LRRTM4: variants seen among roughly 807,000 people sequenced by gnomAD.
The protein encoded by LRRTM4 is leucine rich repeat transmembrane neuronal 4.
Under a neutral mutation model 47.6 loss-of-function variants are expected in LRRTM4, and 25 were observed. That is an observed-to-expected ratio of 0.53 (90% CI 0.38 to 0.73). The LOEUF (loss-of-function observed/expected upper bound fraction) is 0.73. LRRTM4 is among the 30% of genes least tolerant of loss of function. LRRTM4 has a pLI of 0.00. For missense variants in LRRTM4, 638 were observed against 713.4 expected (o/e 0.89, Z 1.20); for synonymous variants, 311 against 269.5 (o/e 1.15, Z -1.51).
chr2:76,892,999 G>C (rs910505937), intron 3 of LRRTM4, among the ~76,000 whole-genome samples: 8 of 150,404 alleles, frequency 5.3e-5, no homozygotes, highest in Non-Finnish European at 1.2e-4. Context: ...AATTTGAGGA[G>C]TATTACTTAA....
chr2:77,278,345 A>G (rs1573185812), intron 3 of LRRTM4, among the ~76,000 whole-genome samples: 1 of 152,066 alleles, frequency 6.6e-6, no homozygotes, highest in Non-Finnish European at 1.5e-5. Context: ...ACCAATTGTT[A>G]AGTTAAAAAC....
At chr2:76,880,160 C>T (rs980413250) in intron 3 of LRRTM4, among the ~76,000 whole-genome samples, 1 of 152,082 alleles carries the variant, frequency 6.6e-6, no homozygotes, top group Non-Finnish European at 1.5e-5. Context: ...GAGGGTTGAC[C>T]CCAGTTTTGA....
In LRRTM4 at chr2:77,122,420, T is replaced by C. The variant is rs116668824; in HGVS notation, c.1552-373504A>G. Among the ~76,000 whole-genome samples the C allele has an allele frequency of 9.6e-3, 1,448 of 150,976 alleles. 20 individuals carry two copies. The highest frequency in any genetic ancestry group is 0.042 in the Middle Eastern group (12 of 284). The stretch of plus-strand genomic sequence containing the variant: ...GCAGAATTCACCAGATGTAAACATA[T>C]ATATGTGTGTGTATAGATATACATA... On this transcript the variant is annotated intron_variant, in intron 3 of 3. Coordinates refer to ENST00000409884, the MANE Select transcript of LRRTM4 (RefSeq NM_001134745.3).
intron 3 of LRRTM4, among the ~76,000 whole-genome samples, chr2:76,993,354 CTATG>C (rs1169395700): frequency 6.6e-6 from 1 of 151,850 alleles, no homozygotes; most frequent in African/African-American, 2.4e-5. Flanking sequence ...TACTTGCAAA[CTATG>C]TATCTGACAA....
intron 3 of LRRTM4, among the ~76,000 whole-genome samples, chr2:77,036,463 C>T (rs1401203467): frequency 6.6e-6 from 1 of 151,640 alleles, no homozygotes; most frequent in African/African-American, 2.4e-5. Context: ...GCTCAGATAT[C>T]TCATCCTTTA....
chr2:77,376,223 T>A (rs1336185761), intron 3 of LRRTM4, among the ~76,000 whole-genome samples: 1 of 151,788 alleles, frequency 6.6e-6, no homozygotes, highest in Non-Finnish European at 1.5e-5. Context: ...GTGTTTTATA[T>A]TAGAATAGTT....
intron 3 of LRRTM4, among the ~76,000 whole-genome samples, chr2:77,351,616 A>T (rs988371657): frequency 2.9e-4 from 32 of 110,576 alleles, no homozygotes; most frequent in East Asian, 1.3e-3. Flanking sequence ...TGACAAATTT[A>T]TATATATATA....
At chr2:77,396,600 A>G (rs1673713100) in intron 3 of LRRTM4, among the ~76,000 whole-genome samples, 1 of 151,970 alleles carries the variant, frequency 6.6e-6, no homozygotes, top group South Asian at 2.1e-4. Flanking sequence ...CCCTCATTAT[A>G]TCTTTCACTG....
At chr2:77,428,602 A>G (rs1036483300) in intron 3 of LRRTM4, among the ~76,000 whole-genome samples, 2 of 152,176 alleles carry the variant, frequency 1.3e-5, no homozygotes, top group Admixed American at 6.5e-5. Context: ...CACATTTTTT[A>G]GATATAGGCT....
intron 3 of LRRTM4, among the ~76,000 whole-genome samples, chr2:76,842,807 T>C (rs2103939431): frequency 6.6e-6 from 1 of 152,314 alleles, no homozygotes; most frequent in African/African-American, 2.4e-5. Context: ...ACATGTGCCA[T>C]AGTGTTTTGC....
At chr2:76,992,186 G>A (rs1171788594) in intron 3 of LRRTM4, among the ~76,000 whole-genome samples, 3 of 151,656 alleles carry the variant, frequency 2.0e-5, no homozygotes, top group African/African-American at 4.8e-5. Context: ...ATCATAATGG[G>A]TGGGCAAATG....
intron 3 of LRRTM4, among the ~76,000 whole-genome samples, chr2:77,106,684 T>C (rs1297477901): frequency 6.6e-6 from 1 of 152,136 alleles, no homozygotes; most frequent in Non-Finnish European, 1.5e-5. Context: ...TTAAAATGTT[T>C]TCTTATTTAG....
intron 3 of LRRTM4, among the ~76,000 whole-genome samples, chr2:77,072,293 G>A (rs1453399768): frequency 6.6e-6 from 1 of 151,534 alleles, no homozygotes; most frequent in East Asian, 1.9e-4. Context: ...TTTTAAATGA[G>A]TGGGCTTTAG....
At chr2:77,317,909 C>G (rs1677662370) in intron 3 of LRRTM4, among the ~76,000 whole-genome samples, 1 of 151,422 alleles carries the variant, frequency 6.6e-6, no homozygotes, top group South Asian at 2.1e-4. Flanking sequence ...AACAAAGGCT[C>G]ACATGAAGGA....
intron 3 of LRRTM4, among the ~76,000 whole-genome samples, chr2:77,118,343 T>G (rs577970055): frequency 1.3e-5 from 2 of 151,854 alleles, no homozygotes; most frequent in Middle Eastern, 3.2e-3. Flanking sequence ...CTCAGAAAAG[T>G]ATCTACTTTT....
At chr2:76,802,573 A>T (rs1675757078) in intron 3 of LRRTM4, among the ~76,000 whole-genome samples, 1 of 152,142 alleles carries the variant, frequency 6.6e-6, no homozygotes, top group South Asian at 2.1e-4. Context: ...CCCTATCAAC[A>T]TTCCAATGGC....
intron 3 of LRRTM4, among the ~76,000 whole-genome samples, chr2:76,923,193 A>G (rs1674486343): frequency 6.6e-6 from 1 of 151,462 alleles, no homozygotes; most frequent in Non-Finnish European, 1.5e-5. Flanking sequence ...GGTTTTAACT[A>G]TATTTCCATT....
chr2:76,803,438 C>T (rs1033755918), intron 3 of LRRTM4, among the ~76,000 whole-genome samples: 7 of 151,938 alleles, frequency 4.6e-5, no homozygotes, highest in African/African-American at 1.2e-4. Context: ...ATAAGAAAGA[C>T]AAAAAAGTAC....
intron 3 of LRRTM4, among the ~76,000 whole-genome samples, chr2:76,844,091 TG>T (rs1159744839): frequency 6.6e-6 from 1 of 150,996 alleles, no homozygotes; most frequent in Non-Finnish European, 1.5e-5. Flanking sequence ...TTAATAGAGA[TG>T]GGGTTTCACC....
Sources: gnomAD v4.1 joint callset for allele counts (sites outside exome capture counted in the v4.1 genomes callset) on GRCh38, gnomAD v4.1.1 for gene constraint, MANE v1.5 for transcripts, NCBI Gene and HGNC (gene_info 2026-07-23, HGNC 2026-07-21) for gene names.